The following SLC17A1 variants were observed in gnomAD, a reference collection of about 807,000 sequenced individuals.
SLC17A1 encodes the protein sodium-dependent phosphate transport protein 1.
A neutral mutation model predicts 53.5 loss-of-function variants in SLC17A1; 51 were observed. The ratio of observed to expected loss-of-function variants is 0.95; its 90% CI spans 0.76 to 1.20. The LOEUF (loss-of-function observed/expected upper bound fraction) is 1.20, where lower values mean the gene tolerates loss of function less well. SLC17A1 is among the 50% of genes most tolerant of loss of function. The pLI is 0.00. For missense variants in SLC17A1, 538 were observed against 568.2 expected (o/e 0.95, Z 0.54); for synonymous variants, 179 against 198.8 (o/e 0.90, Z 0.84).
the SLC17A1 span, among the ~76,000 whole-genome samples, chr6:25,738,643 A>C: frequency 6.6e-6 from 1 of 152,186 alleles, no homozygotes; most frequent in African/African-American, 2.4e-5. Flanking sequence ...TATATGGTAA[A>C]ATACTTGATC....
At chr6:25,750,791 G>A in the SLC17A1 span, among the ~76,000 whole-genome samples, 6 of 151,416 alleles carry the variant, frequency 4.0e-5, 1 homozygote, top group South Asian at 1.0e-3. Context: ...TGTGTGGGGG[G>A]AGGGGGGTGT....
chr6:25,739,889 A>C, the SLC17A1 span, among the ~76,000 whole-genome samples: 1 of 151,320 alleles, frequency 6.6e-6, no homozygotes, highest in African/African-American at 2.4e-5. Context: ...TGGTTACACA[A>C]ATCTACACAC....
chr6:25,761,734 C>T, the SLC17A1 span, among the ~76,000 whole-genome samples: 1 of 151,968 alleles, frequency 6.6e-6, no homozygotes. Flanking sequence ...ATACTAAGAC[C>T]CAGGGTAAAC....
chr6:25,785,547 T>C (rs1763362870), intron 12 of SLC17A1, among the ~76,000 whole-genome samples: 1 of 152,102 alleles, frequency 6.6e-6, no homozygotes, highest in African/African-American at 2.4e-5. Context: ...AGACAACCTA[T>C]AAAACGGGAG....
At chr6:25,759,600 T>C in the SLC17A1 span, among the ~76,000 whole-genome samples, 1 of 152,166 alleles carries the variant, frequency 6.6e-6, no homozygotes, top group Admixed American at 6.5e-5. Context: ...TTGTCTGATG[T>C]AAGAATAGCT....
At chr6:25,787,182 T>C (rs1041315997) in intron 12 of SLC17A1, among the ~76,000 whole-genome samples, 2 of 152,110 alleles carry the variant, frequency 1.3e-5, no homozygotes, top group Non-Finnish European at 2.9e-5. Flanking sequence ...CTTAATTTTC[T>C]GAATTTGTTC....
chr6:25,751,867 G>T, the SLC17A1 span, among the ~76,000 whole-genome samples: 1 of 149,306 alleles, frequency 6.7e-6, no homozygotes. Context: ...GAAAAAAAAA[G>T]ATGAGACACA....
At chr6:25,724,832 A>G in the SLC17A1 span, among the ~76,000 whole-genome samples, 14 of 152,184 alleles carry the variant, frequency 9.2e-5, no homozygotes, top group Non-Finnish European at 1.8e-4. Context: ...GTTTTCAAAT[A>G]TCTTCAATTT....
chr6:25,732,069 C>G, the SLC17A1 span: 1 of 1,215,024 alleles, frequency 8.2e-7, no homozygotes, highest in Non-Finnish European at 1.1e-6. Flanking sequence ...TTTGCGGCAT[C>G]TCTTGCGCTT....
the SLC17A1 span, among the ~76,000 whole-genome samples, chr6:25,744,542 T>G: frequency 1.3e-5 from 2 of 152,180 alleles, no homozygotes; most frequent in African/African-American, 4.8e-5. Context: ...TTAAATTATA[T>G]AAAATTACAG....
chr6:25,769,046 C>T, the SLC17A1 span: 2 of 1,614,076 alleles, frequency 1.2e-6, no homozygotes, highest in Non-Finnish European at 1.7e-6. Context: ...TTTCAATTTA[C>T]ACCCAACAAA....
chr6:25,818,582 C>T (rs868467030), intron 6 of SLC17A1, among the ~76,000 whole-genome samples: 1 of 152,108 alleles, frequency 6.6e-6, no homozygotes, highest in Admixed American at 6.6e-5. Flanking sequence ...AAACCTGAAA[C>T]CAAGATCAGA....
the SLC17A1 span, chr6:25,726,348 T>C: frequency 6.2e-7 from 1 of 1,614,180 alleles, no homozygotes; most frequent in South Asian, 1.1e-5. Flanking sequence ...GGATTTCTGC[T>C]GTGAGATACT....
intron 10 of SLC17A1, among the ~76,000 whole-genome samples, chr6:25,806,754 G>T (rs1047570264): frequency 6.6e-6 from 1 of 151,962 alleles, no homozygotes; most frequent in Non-Finnish European, 1.5e-5. Flanking sequence ...CCACAGAATG[G>T]GTGAAAAGAA....
At chr6:25,786,472 T>G (rs1763385100) in intron 12 of SLC17A1, among the ~76,000 whole-genome samples, 1 of 152,052 alleles carries the variant, frequency 6.6e-6, no homozygotes, top group Non-Finnish European at 1.5e-5. Context: ...GCTACATGCG[T>G]GTTTCCCATG....
chr6:25,827,212 G>A (rs1764782321), intron 2 of SLC17A1, among the ~76,000 whole-genome samples: 2 of 152,050 alleles, frequency 1.3e-5, no homozygotes, highest in South Asian at 4.1e-4. Context: ...GCAATCCATT[G>A]GAGGAAAGTA....
At chr6:25,738,162 T>G in the SLC17A1 span, among the ~76,000 whole-genome samples, 1 of 152,180 alleles carries the variant, frequency 6.6e-6, no homozygotes, top group African/African-American at 2.4e-5. Flanking sequence ...TAGGGATAAC[T>G]GTAACCAAAT....
chr6:25,773,376 T>C, the SLC17A1 span: 1 of 1,613,904 alleles, frequency 6.2e-7, no homozygotes, highest in African/African-American at 1.3e-5. Context: ...ATACATTGTG[T>C]GTTCATTGGC....
downstream of SLC17A1, among the ~76,000 whole-genome samples, chr6:25,782,370 A>G (rs887684842): frequency 1.1e-4 from 16 of 152,206 alleles, no homozygotes; most frequent in African/African-American, 3.6e-4. Context: ...CTTAAAGTTC[A>G]GGAACCATGA....
Sources: allele counts gnomAD v4.1 joint callset (sites outside exome capture counted in the v4.1 genomes callset), GRCh38; gene constraint gnomAD v4.1.1; transcripts MANE v1.5; gene names NCBI Gene and HGNC (gene_info 2026-07-23, HGNC 2026-07-21).